The following JAK3 variants were observed in gnomAD, a reference collection of about 807,000 sequenced individuals.
The protein encoded by JAK3 is Janus kinase 3, also known as tyrosine-protein kinase JAK3.
Under a neutral mutation model 120.8 loss-of-function variants are expected in JAK3, and 88 were observed. That is an observed-to-expected ratio of 0.73 (90% CI 0.61 to 0.87). The LOEUF is 0.87. Ranked by LOEUF, JAK3 falls within the 40% of genes least tolerant of loss-of-function variation. JAK3 has a pLI of 0.00. For missense variants in JAK3, 1,254 were observed against 1,501.4 expected, an observed-to-expected ratio of 0.84 and a Z score of 2.72; for synonymous variants, 592 against 628.6, an observed-to-expected ratio of 0.94 and a Z score of 0.87.
chr19:17,836,576 T>C (rs2094224741), intron 13 of JAK3, among the ~76,000 whole-genome samples: 1 of 152,178 alleles, frequency 6.6e-6, no homozygotes, highest in Non-Finnish European at 1.5e-5. Context: ...CCAGCCTCTG[T>C]ATCTCACTTC....
rs1339782333 is a variant in JAK3, at chr19:17,826,212, C to G, written c.*531G>C. 6.2e-6 allele frequency: 1 copy of G among 161,402 alleles called. No individual in the cohort carries two copies. The highest frequency in any genetic ancestry group is 1.4e-5 in the Non-Finnish European group (1 of 73,720). The allele number at this position is 161,402 out of a possible 1,614,324, so 10.0% of individuals were successfully genotyped here. A position where few individuals can be genotyped will look rare whatever the true frequency, so the allele number is the denominator to read the frequency against. On this transcript the variant is annotated 3_prime_UTR_variant, in exon 24 of 24. Coordinates refer to ENST00000458235, the MANE Select transcript of JAK3 (RefSeq NM_000215.4). The stretch of plus-strand genomic sequence containing the variant: ...CAGCCTGGCCATCATGGTGAAACCT[C>G]ATCTCTATTAAAAATAAAAAAAATT...
At position 17,840,333 on chromosome 19, in the gene JAK3, A is replaced by C. The variant is rs1568405689; in HGVS notation, c.1151T>G (p.Phe384Cys). 6.2e-7 allele frequency: 1 copy of C among 1,611,630 alleles called. No homozygotes were observed. The highest frequency in any genetic ancestry group is 8.5e-7 in the Non-Finnish European group (1 of 1,178,038). Residue 384 changes from phenylalanine to cysteine, a missense_variant, in exon 9 of 24, where the codon TTT becomes TGT. Coordinates refer to ENST00000458235, the MANE Select transcript of JAK3 (RefSeq NM_000215.4). ...CCCAGTCTTGAGCTTGTTGATGGCAAAGTCCAGACTGTGGGGGAAGGTGAG... is the reference window on the plus strand; with the variant it reads ...CCCAGTCTTGAGCTTGTTGATGGCACAGTCCAGACTGTGGGGGAAGGTGAG... ...EQCHGPITLD[F>C]AINKLKTGGS...
chr19:17,844,628 G>A (rs2147701536), intron 1 of JAK3, among the ~76,000 whole-genome samples, 198 bp from the exon 2 acceptor site: 1 of 151,866 alleles, frequency 6.6e-6, no homozygotes, highest in Admixed American at 6.6e-5. Flanking sequence ...GCGAAACCCT[G>A]CCTCTAAAAA....
At position 17,832,463 on chromosome 19, in the gene JAK3, G is replaced by A. The variant is rs1894033952; in HGVS notation, c.2680+56C>T. ...AGTGGCCTGGCAGGAGGGTAAGAATGTGCACTTTGAAAAGCACCCATACGT... is the reference window on the plus strand; with the variant it reads ...AGTGGCCTGGCAGGAGGGTAAGAATATGCACTTTGAAAAGCACCCATACGT... On this transcript the variant is annotated intron_variant, in intron 19 of 23. Coordinates refer to ENST00000458235, the MANE Select transcript of JAK3 (RefSeq NM_000215.4). The surrounding 1 kb of genome is among the most constrained non-coding windows in gnomAD (Gnocchi z 4.7). 7 of 1,566,328 alleles carry A rather than the reference G, an allele frequency of 4.5e-6. No homozygotes were observed. The highest frequency in any genetic ancestry group is 6.2e-6 in the Non-Finnish European group (7 of 1,136,760).
Position 17,826,600 on chromosome 19 carries a change from GC to G in JAK3, c.*142del, listed in dbSNP as rs1568399282. On this transcript the variant is annotated 3_prime_UTR_variant, in exon 24 of 24. Coordinates refer to ENST00000458235, the MANE Select transcript of JAK3 (RefSeq NM_000215.4). ...ACAGGCTATTCTACAGGCCACGGGA[GC>G]CCCCCCAAATGCAATGTCATGGGGG... The G allele has an allele frequency of 1.1e-5, 10 of 894,508 alleles. No individual in the cohort carries two copies. The highest frequency in any genetic ancestry group is 7.5e-6 in the Non-Finnish European group (4 of 533,942). The allele number at this position is 894,508 out of a possible 1,614,324, so 55.4% of individuals were successfully genotyped here. A position where few individuals can be genotyped will look rare whatever the true frequency, so the allele number is the denominator to read the frequency against.
chr19:17,847,882 T>C, intron 1 of JAK3, 64 bp downstream of exon 1: 1 of 365,032 alleles, frequency 2.7e-6, no homozygotes. Flanking sequence ...AGCCCAGCCA[T>C]CCCCCGCCAC....
intron 21 of JAK3, among the ~76,000 whole-genome samples, chr19:17,830,824 G>A (rs990335396): frequency 6.5e-5 from 9 of 139,438 alleles, no homozygotes; most frequent in African/African-American, 2.5e-4. Flanking sequence ...CTGTGGGGAG[G>A]AGGCGGGGGC....
chr19:17,824,917 C>T lies in JAK3; in HGVS notation c.*1826G>A, dbSNP rs1282017505. On this transcript the variant is annotated 3_prime_UTR_variant, in exon 24 of 24. Coordinates refer to ENST00000458235, the MANE Select transcript of JAK3 (RefSeq NM_000215.4). ...ACAGACACTTCCCCAGCCCCAGGGCCAGAGTGGGGCTGGAGGGAAGGACAG... is the reference window on the plus strand; with the variant it reads ...ACAGACACTTCCCCAGCCCCAGGGCTAGAGTGGGGCTGGAGGGAAGGACAG... 4.6e-6 allele frequency: 1 copy of T among 218,908 alleles called. No individual in the cohort carries two copies. The highest frequency in any genetic ancestry group is 9.2e-6 in the Non-Finnish European group (1 of 109,098). The allele number at this position is 218,908 out of a possible 1,614,324, so 13.6% of individuals were successfully genotyped here. A position where few individuals can be genotyped will look rare whatever the true frequency, so the allele number is the denominator to read the frequency against.
In JAK3 at chr19:17,841,707, G is replaced by A. The variant is rs1312363172; in HGVS notation, c.917C>T (p.Ala306Val). The A allele has an allele frequency of 6.2e-7, 1 of 1,613,322 alleles. No homozygotes were observed. Among genetic ancestry groups the A allele is most frequent in the Non-Finnish European group, 8.5e-7 (1 of 1,179,998 alleles). The change falls in exon 7 of 24, where the codon GCC becomes GTC. Residue 306 changes from alanine (A) to valine (V), a missense_variant. By Grantham distance (64) the Ala-to-Val change is moderately conservative. Around this residue, in one of 3 missense-constraint regions of JAK3, gnomAD observed 486 missense variants for 503.0 expected, o/e 0.97. Coordinates refer to ENST00000458235, the MANE Select transcript of JAK3 (RefSeq NM_000215.4). This position sits in a 1 kb window ranked among gnomAD's most constrained non-coding sequence, Gnocchi z 4.1. ...CTCTCCGGCCGGGCCAACGCGCGGGGCCTGCTTGATGCTAATGTCTACGAT... is the reference window on the plus strand; with the variant it reads ...CTCTCCGGCCGGGCCAACGCGCGGGACCTGCTTGATGCTAATGTCTACGAT... ...PEIVDISIKQ[A>V]PRVGPAGEHR...
rs2147697845 is a variant in JAK3 at position 17,842,542 on chromosome 19, C to T, written c.635G>A (p.Arg212His). Residue 212 changes from arginine to histidine, a missense_variant, in exon 6 of 24, where the codon CGT becomes CAT. By Grantham distance (29) the Arg-to-His change is conservative. Transcript: ENST00000458235. The surrounding 1 kb of genome is among the most constrained non-coding windows in gnomAD (Gnocchi z 6.4). ...GGCTCTGCGCACCGTCCTCCGAATACGCCTCCGCGTCACGAAGCTCAGGCC... is the reference window on the plus strand; with the variant it reads ...GGCTCTGCGCACCGTCCTCCGAATATGCCTCCGCGTCACGAAGCTCAGGCC... ...IQGLSFVTRR[R>H]IRRTVRRALR... 1 of 1,588,506 alleles carries T rather than the reference C, an allele frequency of 6.3e-7. No homozygotes were observed.
Position 17,831,364 on chromosome 19 carries a change from G to T in JAK3, c.2842C>A (p.Arg948Ser). 1 of 1,608,860 alleles carries T rather than the reference G, an allele frequency of 6.2e-7. No homozygotes were observed. Among genetic ancestry groups the T allele is most frequent in the Non-Finnish European group, 8.5e-7 (1 of 1,179,822 alleles). ...EYLGSRRCVHRDLAARNILVE... is the reference protein window; with the variant it reads ...EYLGSRRCVHSDLAARNILVE... ...AGGATGTTTCGGGCGGCCAGGTCGC[G>T]GTGCACGCAGCGGCGGGAGCCCAGG... is the stretch of plus-strand genomic sequence containing the variant. The change falls in exon 21 of 24, where the codon CGC (arginine) becomes AGC (serine). Residue 948 changes from arginine to serine, a missense_variant. Coordinates refer to ENST00000458235, the MANE Select transcript of JAK3 (RefSeq NM_000215.4). The surrounding 1 kb of genome is among the most constrained non-coding windows in gnomAD (Gnocchi z 5.1).
intron 1 of JAK3, among the ~76,000 whole-genome samples, chr19:17,847,589 C>T (rs1013805930): frequency 6.6e-5 from 10 of 152,138 alleles, no homozygotes; most frequent in Admixed American, 1.3e-4. Context: ...GGTCGGGTAC[C>T]CTGTGTCTGG....
At chr19:17,840,499 C>T (rs2094235637) in intron 8 of JAK3, among the ~76,000 whole-genome samples, 158 bp from the exon 9 acceptor site, 1 of 152,134 alleles carries the variant, frequency 6.6e-6, no homozygotes, top group Admixed American at 6.6e-5. Flanking sequence ...CGCCGTGGCT[C>T]ACGCCTGTAA....
chr19:17,842,279 C>CA lies in JAK3; in HGVS notation c.861+36dup. 6.7e-7 allele frequency: 1 copy of CA among 1,500,506 alleles called. No individual in the cohort carries two copies. The highest frequency in any genetic ancestry group is 8.8e-7 in the Non-Finnish European group (1 of 1,130,308). 92.9% of individuals were successfully genotyped at this position (1,500,506 alleles called of 1,614,324 possible). Reference sequence around the variant, plus strand: ...CCGGCCCCTCCCCGAGCCCCGCCCCCACGTTGGCCCCGCCCAGCGGGGGAG... The same window carrying CA: ...CCGGCCCCTCCCCGAGCCCCGCCCCCAACGTTGGCCCCGCCCAGCGGGGGAG... On this transcript the variant is annotated intron_variant, in intron 6 of 23. Transcript: ENST00000458235. The surrounding 1 kb of genome is among the most constrained non-coding windows in gnomAD (Gnocchi z 6.4).
chr19:17,826,424 A>G lies in JAK3; in HGVS notation c.*319T>C. 1 of 356,272 alleles carries G rather than the reference A, an allele frequency of 2.8e-6. No homozygotes were observed. Among genetic ancestry groups the G allele is most frequent in the East Asian group, 4.3e-5 (1 of 23,150 alleles). 22.1% of individuals were successfully genotyped at this position (356,272 alleles called of 1,614,324 possible). On this transcript the variant is annotated 3_prime_UTR_variant, in exon 24 of 24. Coordinates refer to ENST00000458235, the MANE Select transcript of JAK3 (RefSeq NM_000215.4). The stretch of plus-strand genomic sequence containing the variant: ...AAATAAAAAAAATAAAAAGAGAGAG[A>G]CAGAAAAGGAAACTCAGGGGGCCAG...
chr19:17,833,710 G>A (rs1011553590), intron 17 of JAK3, among the ~76,000 whole-genome samples: 1 of 151,994 alleles, frequency 6.6e-6, no homozygotes, highest in African/African-American at 2.4e-5. Flanking sequence ...AAATTTAGCC[G>A]TGTTTGGTGG....
At chr19:17,846,058 T>G (rs2094251490) in intron 1 of JAK3, among the ~76,000 whole-genome samples, 1 of 152,034 alleles carries the variant, frequency 6.6e-6, no homozygotes. Context: ...CCTCGAGTGA[T>G]CCTCCTGCCT....
At position 17,843,348 on chromosome 19, in the gene JAK3, C is replaced by T. The variant is rs1199706494; in HGVS notation, c.420+32G>A. 5.2e-6 allele frequency: 8 copies of T among 1,541,544 alleles called. No homozygotes were observed. Among genetic ancestry groups the T allele is most frequent in the Non-Finnish European group, 6.2e-6 (7 of 1,135,390 alleles). ...CTCATGTTGCCCCTTGGACCCCCAA[C>T]CCCCTGGGTCAAACCCCAGGCAGAA... On this transcript the variant is annotated intron_variant, in intron 4 of 23. Coordinates refer to ENST00000458235, the MANE Select transcript of JAK3 (RefSeq NM_000215.4). The surrounding 1 kb of genome is among the most constrained non-coding windows in gnomAD (Gnocchi z 5.4).
At chr19:17,845,476 G>T (rs1316369799) in intron 1 of JAK3, among the ~76,000 whole-genome samples, 1 of 152,080 alleles carries the variant, frequency 6.6e-6, no homozygotes, top group African/African-American at 2.4e-5. Flanking sequence ...TTTGAAACCA[G>T]ACTGGGCAAT....
Sources: gnomAD v4.1 joint callset for allele counts (sites outside exome capture counted in the v4.1 genomes callset) on GRCh38, gnomAD v4.1.1 for gene constraint, gnomAD v4.1.1 regional missense constraint, Gnocchi (gnomAD v3.1) non-coding constraint, MANE v1.5 for transcripts, NCBI Gene and HGNC (gene_info 2026-07-23, HGNC 2026-07-21) for gene names.